LUZP2: variants seen among roughly 807,000 people sequenced by gnomAD.
The protein encoded by LUZP2 is leucine zipper protein 2.
LUZP2 carries 52 observed loss-of-function variants against 51.6 expected under a neutral mutation model. The ratio of observed to expected loss-of-function variants is 1.01; its 90% CI spans 0.81 to 1.27. The LOEUF (loss-of-function observed/expected upper bound fraction) is 1.27, where lower values mean the gene tolerates loss of function less well. Ranked by LOEUF, LUZP2 falls within the 50% of genes most tolerant of loss-of-function variation. The pLI, the probability that LUZP2 is intolerant of heterozygous loss-of-function variation, is 0.00. For missense variants in LUZP2, 436 were observed against 395.4 expected (o/e 1.10, Z -0.87); for synonymous variants, 154 against 137.3 (o/e 1.12, Z -0.85).
At chr11:24,559,732 A>C (rs539523185) in intron 1 of LUZP2, among the ~76,000 whole-genome samples, 1 of 152,180 alleles carries the variant, frequency 6.6e-6, no homozygotes, top group African/African-American at 2.4e-5. Flanking sequence ...AGAATAAATA[A>C]AAAATCAGAG....
At chr11:24,613,275 A>G (rs1473982035) in intron 1 of LUZP2, among the ~76,000 whole-genome samples, 2 of 152,142 alleles carry the variant, frequency 1.3e-5, no homozygotes, top group African/African-American at 4.8e-5. Flanking sequence ...ATGTTAAAAC[A>G]TAAACAGATT....
intron 1 of LUZP2, among the ~76,000 whole-genome samples, chr11:24,601,946 GTATAAATGTATATA>G (rs1853667011): frequency 7.8e-6 from 1 of 127,768 alleles, no homozygotes; most frequent in Admixed American, 7.9e-5. Flanking sequence ...ATGTATATAT[GTATAAATGTATATA>G]TGTATATATG....
chr11:25,002,434 CAT>C (rs1856710621), intron 9 of LUZP2, among the ~76,000 whole-genome samples: 1 of 152,162 alleles, frequency 6.6e-6, no homozygotes, highest in Non-Finnish European at 1.5e-5. Flanking sequence ...GGGCCATTGA[CAT>C]ATGTATTTGA....
At chr11:24,579,256 T>A (rs557866316) in intron 1 of LUZP2, among the ~76,000 whole-genome samples, 1 of 152,252 alleles carries the variant, frequency 6.6e-6, no homozygotes, top group South Asian at 2.1e-4. Context: ...GTATTTGCAA[T>A]TAATTTAAAC....
At chr11:24,946,409 TC>T (rs1227231260) in intron 7 of LUZP2, among the ~76,000 whole-genome samples, 12 of 152,094 alleles carry the variant, frequency 7.9e-5, no homozygotes, top group African/African-American at 2.9e-4. Context: ...ACTATTTTGT[TC>T]CCCTGATGCT....
chr11:24,901,774 C>G (rs530173851), intron 5 of LUZP2, among the ~76,000 whole-genome samples: 2 of 152,242 alleles, frequency 1.3e-5, no homozygotes, highest in South Asian at 4.1e-4. Flanking sequence ...TAGTAGTTTT[C>G]TATCCATTGA....
intron 1 of LUZP2, among the ~76,000 whole-genome samples, chr11:24,643,120 A>G (rs544663168): frequency 2.6e-4 from 40 of 152,050 alleles, no homozygotes; most frequent in African/African-American, 9.4e-4. Context: ...GATTAAGACG[A>G]GATTAAGGCT....
intron 1 of LUZP2, among the ~76,000 whole-genome samples, chr11:24,559,831 T>G (rs1278480484): frequency 6.6e-6 from 1 of 152,198 alleles, no homozygotes; most frequent in African/African-American, 2.4e-5. Flanking sequence ...GGATTTTACC[T>G]TGTAATTCAC....
chr11:24,617,054 T>A (rs867045221), intron 1 of LUZP2, among the ~76,000 whole-genome samples: 3 of 152,208 alleles, frequency 2.0e-5, no homozygotes, highest in Non-Finnish European at 4.4e-5. Context: ...CTTGTAAATT[T>A]TCTGTGTACT....
chr11:24,676,752 T>C (rs72882417), intron 1 of LUZP2, among the ~76,000 whole-genome samples: 28,317 of 151,944 alleles, frequency 0.19, 2,741 homozygotes, highest in East Asian at 0.33. Context: ...CAGCCTCCTC[T>C]TCCCAGGTAC....
At chr11:24,926,575 G>A (rs191978977) in intron 7 of LUZP2, among the ~76,000 whole-genome samples, 1,606 of 145,430 alleles carry the variant, frequency 0.011, 37 homozygotes, top group African/African-American at 0.037. Context: ...ATATATATAC[G>A]TGTATATATA....
Position 24,512,180 on chromosome 11 carries a change from G to A in LUZP2, c.62+14875G>A, listed in dbSNP as rs372107354. 1.4e-3 allele frequency among the ~76,000 whole-genome samples: 206 copies of A among 152,328 alleles called. 1 individual carries two copies. The highest frequency in any genetic ancestry group is 4.6e-3 in the African/African-American group (193 of 41,562). On this transcript the variant is annotated intron_variant, in intron 1 of 11. Transcript: ENST00000336930. ...AGATGGTGCTGGAAGCAAAGGAAAA[G>A]GTGAAGGTGCTGAAGAATGTGGAAT... is the stretch of plus-strand genomic sequence containing the variant.
At chr11:24,793,707 C>T (rs1849468793) in intron 5 of LUZP2, among the ~76,000 whole-genome samples, 1 of 152,084 alleles carries the variant, frequency 6.6e-6, no homozygotes, top group African/African-American at 2.4e-5. Flanking sequence ...AAATATAAGA[C>T]AGTCAATGTC....
At chr11:24,641,951 T>C (rs1343892156) in intron 1 of LUZP2, among the ~76,000 whole-genome samples, 1 of 151,918 alleles carries the variant, frequency 6.6e-6, no homozygotes, top group African/African-American at 2.4e-5. Context: ...TGGAGTGCAG[T>C]GGCACGATTT....
intron 7 of LUZP2, among the ~76,000 whole-genome samples, chr11:24,938,276 T>G (rs2133845136): frequency 6.6e-6 from 1 of 152,280 alleles, no homozygotes; most frequent in South Asian, 2.1e-4. Flanking sequence ...AGAAAAGAAA[T>G]AAATGCAAAC....
chr11:25,033,565 A>C (rs1000677787), intron 9 of LUZP2, among the ~76,000 whole-genome samples: 5 of 152,100 alleles, frequency 3.3e-5, no homozygotes, highest in African/African-American at 9.7e-5. Context: ...TTTGAACACA[A>C]CCTTCTCACA....
intron 1 of LUZP2, among the ~76,000 whole-genome samples, chr11:24,656,136 A>G (rs1332233414): frequency 6.6e-6 from 1 of 152,198 alleles, no homozygotes; most frequent in Non-Finnish European, 1.5e-5. Context: ...AGGTAACTCA[A>G]AATGAAGTTA....
In LUZP2 at chr11:24,715,625, G is replaced by A. The variant is rs186846145; in HGVS notation, c.63-13544G>A. Among the ~76,000 whole-genome samples, 3 of 152,124 alleles carry A rather than the reference G, an allele frequency of 2.0e-5. No homozygotes were observed. In the East Asian group the frequency reaches 5.8e-4, roughly 29 times the overall value. On this transcript the variant is annotated intron_variant, in intron 1 of 11. Coordinates refer to ENST00000336930, the MANE Select transcript of LUZP2 (RefSeq NM_001009909.4). Reference sequence around the variant, plus strand: ...TTTAATCATCCTATGCGTCATTCAAGGCCCCACACAAAGATATTTTCTTCC... The same window carrying A: ...TTTAATCATCCTATGCGTCATTCAAAGCCCCACACAAAGATATTTTCTTCC...
chr11:25,043,162 T>C (rs1247741266), intron 9 of LUZP2, among the ~76,000 whole-genome samples: 1 of 152,168 alleles, frequency 6.6e-6, no homozygotes, highest in Non-Finnish European at 1.5e-5. Context: ...AATAGATTTC[T>C]GTTGTTTTAA....
Sources: allele counts gnomAD v4.1 joint callset (sites outside exome capture counted in the v4.1 genomes callset), GRCh38; gene constraint gnomAD v4.1.1; transcripts MANE v1.5; gene names NCBI Gene and HGNC (gene_info 2026-07-23, HGNC 2026-07-21).